The following CSMD1 variants were observed in gnomAD, a reference collection of about 807,000 sequenced individuals.
CSMD1 encodes the protein CUB and sushi domain-containing protein 1.
CSMD1 carries 213 observed loss-of-function variants against 417.5 expected under a neutral mutation model. The ratio of observed to expected loss-of-function variants is 0.51; its 90% CI spans 0.46 to 0.57. The LOEUF is 0.57. Among genes scored for constraint, CSMD1 ranks in the 20% least tolerant of loss-of-function variants. The pLI, the probability that CSMD1 is intolerant of heterozygous loss-of-function variation, is 0.00. For synonymous variants in CSMD1, 2,862 were observed against 1,736.8 expected, an observed-to-expected ratio of 1.65 and a Z score of -16.11; for missense variants, 6,923 against 4,529.7, an observed-to-expected ratio of 1.53 and a Z score of -15.17.
chr8:3,758,376 T>C (rs73188919), intron 5 of CSMD1, among the ~76,000 whole-genome samples: 6,405 of 152,324 alleles, frequency 0.042, 171 homozygotes, highest in African/African-American at 0.062. Flanking sequence ...TCGATTTTTG[T>C]ACATGAATTT....
chr8:4,527,532 C>T (rs1035765345), intron 2 of CSMD1, among the ~76,000 whole-genome samples: 2 of 152,070 alleles, frequency 1.3e-5, no homozygotes, highest in African/African-American at 4.8e-5. Context: ...GCAGGTTATC[C>T]GTACCAGCAG....
At chr8:4,369,545 A>C (rs575651457) in intron 3 of CSMD1, among the ~76,000 whole-genome samples, 1 of 152,300 alleles carries the variant, frequency 6.6e-6, no homozygotes, top group East Asian at 1.9e-4. Context: ...GCAGTATTGA[A>C]GTCTCCCAGT....
At chr8:4,663,974 G>A (rs1045659037) in intron 1 of CSMD1, among the ~76,000 whole-genome samples, 1 of 152,184 alleles carries the variant, frequency 6.6e-6, no homozygotes, top group East Asian at 1.9e-4. Flanking sequence ...GACTGAGGAA[G>A]TGGCTCCTGT....
chr8:3,496,176 G>T (rs1796356950), intron 10 of CSMD1, among the ~76,000 whole-genome samples: 1 of 152,110 alleles, frequency 6.6e-6, no homozygotes, highest in Non-Finnish European at 1.5e-5. Context: ...TTCTACTCCT[G>T]CCATTTTTCT....
chr8:3,058,471 T>C (rs548242461), intron 49 of CSMD1, among the ~76,000 whole-genome samples: 2 of 152,326 alleles, frequency 1.3e-5, no homozygotes, highest in African/African-American at 2.4e-5. Flanking sequence ...AATTTTTCAA[T>C]AAACATGATC....
intron 6 of CSMD1, among the ~76,000 whole-genome samples, chr8:3,724,833 T>G (rs1802393809): frequency 6.6e-6 from 1 of 152,218 alleles, no homozygotes; most frequent in African/African-American, 2.4e-5. Context: ...TCTTATCACA[T>G]TAACGGTGAT....
chr8:4,679,319 C>T (rs1035545836), intron 1 of CSMD1, among the ~76,000 whole-genome samples: 1 of 152,256 alleles, frequency 6.6e-6, no homozygotes, highest in African/African-American at 2.4e-5. Flanking sequence ...GAAGTTGACA[C>T]CTTCTGCCCA....
At chr8:4,493,522 C>T (rs907587054) in intron 2 of CSMD1, among the ~76,000 whole-genome samples, 1 of 151,942 alleles carries the variant, frequency 6.6e-6, no homozygotes, top group African/African-American at 2.4e-5. Context: ...ATATTGGGAT[C>T]CCATCTCTAC....
At chr8:4,400,108 T>G (rs1804548147) in intron 3 of CSMD1, among the ~76,000 whole-genome samples, 1 of 152,174 alleles carries the variant, frequency 6.6e-6, no homozygotes, top group Non-Finnish European at 1.5e-5. Context: ...TAAAATAGTG[T>G]ATACTCTCTG....
At chr8:4,350,266 C>T (rs1284737826) in intron 3 of CSMD1, among the ~76,000 whole-genome samples, 1 of 152,156 alleles carries the variant, frequency 6.6e-6, no homozygotes, top group Non-Finnish European at 1.5e-5. Context: ...AAGCCTCACT[C>T]TAGGGGACGC....
chr8:3,119,384 T>TAAAAA lies in CSMD1; in HGVS notation c.6242-802_6242-798dup, dbSNP rs34060531. Among the ~76,000 whole-genome samples the TAAAAA allele has an allele frequency of 5.2e-4, 46 of 88,270 alleles. 7 individuals are homozygous for TAAAAA. The highest frequency in any genetic ancestry group is 8.5e-4 in the Admixed American group (5 of 5,888). The allele number at this position is 88,270 out of a possible 152,430, so 57.9% of individuals were successfully genotyped here. ...CATTGCAGTTTTTTTAGTCTTTTTC[T>TAAAAA]AAAAAAAAAAAAAAAAAAAAAAAAA... On this transcript the variant is annotated intron_variant, in intron 41 of 69. Transcript: ENST00000635120.
intron 12 of CSMD1, among the ~76,000 whole-genome samples, chr8:3,442,552 C>G (rs1011962948): frequency 2.6e-5 from 4 of 152,156 alleles, no homozygotes; most frequent in African/African-American, 9.7e-5. Flanking sequence ...ACATGCTGTA[C>G]AGGTTTGGAG....
chr8:3,564,585 C>A (rs1048017089), intron 10 of CSMD1, among the ~76,000 whole-genome samples: 2 of 149,578 alleles, frequency 1.3e-5, no homozygotes, highest in Non-Finnish European at 3.0e-5. Context: ...AAAAGCATGG[C>A]CCTTGTTCTC....
In CSMD1 at chr8:3,358,690, G is replaced by A. The variant is rs543604853; in HGVS notation, c.3304+462C>T. Among the ~76,000 whole-genome samples the A allele has an allele frequency of 7.9e-5, 12 of 152,262 alleles. No homozygotes were observed. The South Asian group carries it at 1.7e-3, about 21-fold the overall frequency. On this transcript the variant is annotated intron_variant, in intron 21 of 69. Coordinates refer to ENST00000635120, the MANE Select transcript of CSMD1 (RefSeq NM_033225.6). Reference sequence around the variant, plus strand: ...TCTTGTGCCCACTTAGCAGGAGTGTGCAACCATCATCCCATCAAAGGCTGC... The same window carrying A: ...TCTTGTGCCCACTTAGCAGGAGTGTACAACCATCATCCCATCAAAGGCTGC...
intron 3 of CSMD1, among the ~76,000 whole-genome samples, chr8:4,186,576 C>G (rs952535119): frequency 2.6e-5 from 4 of 152,156 alleles, no homozygotes; most frequent in African/African-American, 9.7e-5. Flanking sequence ...TAGGAAGGGT[C>G]TCAGCATTGC....
At chr8:4,839,894 C>A (rs1198304869) in intron 1 of CSMD1, among the ~76,000 whole-genome samples, 2 of 152,198 alleles carry the variant, frequency 1.3e-5, no homozygotes, top group African/African-American at 2.4e-5. Flanking sequence ...TTCTGAGGAA[C>A]AACTAACCTC....
chr8:4,520,827 C>T (rs1051004009), intron 2 of CSMD1, among the ~76,000 whole-genome samples: 6 of 152,048 alleles, frequency 3.9e-5, no homozygotes, highest in East Asian at 1.9e-4. Context: ...GTAAGTATAA[C>T]GTATATACCA....
chr8:3,960,719 G>C (rs1038933031), intron 5 of CSMD1, among the ~76,000 whole-genome samples: 2 of 151,570 alleles, frequency 1.3e-5, no homozygotes, highest in Non-Finnish European at 2.9e-5. Flanking sequence ...TCTTTTTAAG[G>C]ATAAATTTAA....
At chr8:3,080,126 A>C (rs1372963537) in intron 49 of CSMD1, among the ~76,000 whole-genome samples, 1 of 152,224 alleles carries the variant, frequency 6.6e-6, no homozygotes, top group Non-Finnish European at 1.5e-5. Flanking sequence ...AGCTGATAGA[A>C]GGCTCTGAGA....
Sources: allele counts gnomAD v4.1 joint callset (sites outside exome capture counted in the v4.1 genomes callset), GRCh38; gene constraint gnomAD v4.1.1; transcripts MANE v1.5; gene names NCBI Gene and HGNC (gene_info 2026-07-23, HGNC 2026-07-21).